The following CNBD1 variants were observed in gnomAD, a reference collection of about 807,000 sequenced individuals.
CNBD1 encodes cyclic nucleotide binding domain containing 1.
Under a neutral mutation model 54.4 loss-of-function variants are expected in CNBD1, and 71 were observed. That is an observed-to-expected ratio of 1.30 (90% CI 1.08 to 1.59). The LOEUF is 1.59. Ranked by LOEUF, CNBD1 falls within the 40% of genes most tolerant of loss-of-function variation. The pLI is 0.00. For missense variants in CNBD1, 659 were observed against 518.0 expected, an observed-to-expected ratio of 1.27 and a Z score of -2.64; for synonymous variants, 182 against 170.7, an observed-to-expected ratio of 1.07 and a Z score of -0.51.
At chr8:87,187,210 A>G (rs1380820480) in intron 4 of CNBD1, among the ~76,000 whole-genome samples, 4 of 148,738 alleles carry the variant, frequency 2.7e-5, no homozygotes, top group Non-Finnish European at 6.0e-5. Flanking sequence ...ATATCTATCT[A>G]TATGCCAAAT....
intron 8 of CNBD1, among the ~76,000 whole-genome samples, chr8:87,314,197 CA>C (rs1248369593): frequency 6.6e-6 from 1 of 151,246 alleles, no homozygotes; most frequent in Admixed American, 6.6e-5. Flanking sequence ...ATGTGAATAT[CA>C]ATATAAAAAT....
chr8:87,211,350 T>C (rs1115829), intron 5 of CNBD1, among the ~76,000 whole-genome samples: 7,681 of 152,222 alleles, frequency 0.05, 568 homozygotes, highest in African/African-American at 0.16. Context: ...ATGGAGCAAG[T>C]TAAGACTTTT....
intron 1 of CNBD1, among the ~76,000 whole-genome samples, chr8:86,870,223 C>G (rs11996870): frequency 0.47 from 59,934 of 126,978 alleles, 13,589 homozygotes; most frequent in South Asian, 0.54. Flanking sequence ...GAATCTCGCT[C>G]TGTCGCCCAG....
At chr8:87,146,625 C>T (rs573230608) in intron 4 of CNBD1, among the ~76,000 whole-genome samples, 129 of 152,232 alleles carry the variant, frequency 8.5e-4, no homozygotes, top group African/African-American at 2.8e-3. Context: ...AGCCATTATC[C>T]TACTTATTCC....
chr8:87,160,229 AATTTT>A (rs1445970857), intron 4 of CNBD1, among the ~76,000 whole-genome samples: 3 of 152,020 alleles, frequency 2.0e-5, no homozygotes, highest in African/African-American at 4.8e-5. Context: ...TATGTATTTT[AATTTT>A]ATTTTTAAAA....
At chr8:87,150,643 C>G (rs1478856066) in intron 4 of CNBD1, among the ~76,000 whole-genome samples, 3 of 152,098 alleles carry the variant, frequency 2.0e-5, no homozygotes, top group Non-Finnish European at 4.4e-5. Context: ...TCCTTTGAAA[C>G]AAAAGGCAGG....
intron 3 of CNBD1, among the ~76,000 whole-genome samples, chr8:86,910,982 G>C (rs1809091634): frequency 6.6e-6 from 1 of 152,196 alleles, no homozygotes; most frequent in Non-Finnish European, 1.5e-5. Context: ...CGAAGAACTG[G>C]TTAGGATTAG....
At chr8:87,370,145 G>A (rs1364542887) in intron 10 of CNBD1, among the ~76,000 whole-genome samples, 1 of 151,684 alleles carries the variant, frequency 6.6e-6, no homozygotes, top group African/African-American at 2.4e-5. Context: ...CATTTGGGTT[G>A]GTTCCAAGTC....
intron 6 of CNBD1, among the ~76,000 whole-genome samples, chr8:87,252,798 T>G (rs991212716): frequency 6.6e-6 from 1 of 152,100 alleles, no homozygotes; most frequent in Admixed American, 6.6e-5. Flanking sequence ...ATTAAAGTGC[T>G]AAATTACAGG....
At chr8:86,949,539 C>T (rs1807552513) in intron 4 of CNBD1, among the ~76,000 whole-genome samples, 1 of 151,946 alleles carries the variant, frequency 6.6e-6, no homozygotes. Context: ...ATTTGTTTTT[C>T]AAATTGTTGA....
chr8:87,304,923 G>A (rs1179259675), intron 8 of CNBD1, among the ~76,000 whole-genome samples: 1 of 151,978 alleles, frequency 6.6e-6, no homozygotes, highest in African/African-American at 2.4e-5. Flanking sequence ...GCAATCAAGA[G>A]AAAGAAATAA....
At position 87,237,052 on chromosome 8, in the gene CNBD1, G is replaced by T; in HGVS notation, c.711G>T (p.Trp237Cys). Residue 237 changes from tryptophan to cysteine, a missense_variant, in exon 6 of 11, where the codon TGG becomes TGT. Coordinates refer to ENST00000518476, the MANE Select transcript of CNBD1 (RefSeq NM_173538.3). The stretch of plus-strand genomic sequence containing the variant: ...CTCAGAGTTTCCACAGCTTCATTTG[G>T]AGTGAAGAATTCAAAAACTCTACAC... ...FISQSFHSFI[W>C]SEEFKNSTLA... The T allele has an allele frequency of 1.9e-6, 3 of 1,611,822 alleles. No individual in the cohort carries two copies. The highest frequency in any genetic ancestry group is 2.5e-6 in the Non-Finnish European group (3 of 1,178,492).
chr8:87,265,104 G>T lies in CNBD1; in HGVS notation c.772-19574G>T, dbSNP rs1005523887. Among the ~76,000 whole-genome samples, 12 of 152,158 alleles carry T rather than the reference G, an allele frequency of 7.9e-5. 1 individual carries two copies. The highest frequency in any genetic ancestry group is 2.7e-4 in the African/African-American group (11 of 41,490). ...CCTATGTCCTGAATGGTATTGCCTA[G>T]GTTTTCTTCTAGGGTTTTTATGGTT... On this transcript the variant is annotated intron_variant, in intron 6 of 10. Coordinates refer to ENST00000518476, the MANE Select transcript of CNBD1 (RefSeq NM_173538.3).
intron 4 of CNBD1, among the ~76,000 whole-genome samples, chr8:87,178,112 C>A (rs1813234827): frequency 6.6e-6 from 1 of 152,116 alleles, no homozygotes; most frequent in Admixed American, 6.5e-5. Flanking sequence ...ATCTATTGAG[C>A]ACGTTCTAAA....
At chr8:87,139,019 G>A (rs568675238) in intron 4 of CNBD1, among the ~76,000 whole-genome samples, 2 of 152,306 alleles carry the variant, frequency 1.3e-5, no homozygotes, top group South Asian at 4.1e-4. Context: ...AGATAATTTA[G>A]CAGCTATTGG....
At chr8:87,046,198 T>C (rs931042112) in intron 4 of CNBD1, among the ~76,000 whole-genome samples, 12 of 152,152 alleles carry the variant, frequency 7.9e-5, no homozygotes, top group African/African-American at 2.9e-4. Flanking sequence ...CTTCCACCCT[T>C]GTTGCATCAT....
At chr8:87,233,947 T>A (rs1276625625) in intron 5 of CNBD1, among the ~76,000 whole-genome samples, 1 of 152,222 alleles carries the variant, frequency 6.6e-6, no homozygotes, top group Non-Finnish European at 1.5e-5. Context: ...CAACTAAGTT[T>A]ATGTTACATT....
chr8:87,118,513 C>A (rs1254293930), intron 4 of CNBD1, among the ~76,000 whole-genome samples: 1 of 151,960 alleles, frequency 6.6e-6, no homozygotes. Flanking sequence ...GCAGAAGGCA[C>A]AATCAGTAGA....
chr8:87,390,337 G>C (rs187130669), intron 2 of CNBD1, among the ~76,000 whole-genome samples: 2 of 152,228 alleles, frequency 1.3e-5, no homozygotes, highest in African/African-American at 4.8e-5. Flanking sequence ...AAAAATTTTT[G>C]CAATCTACTC....
Sources: gnomAD v4.1 joint callset for allele counts (sites outside exome capture counted in the v4.1 genomes callset) on GRCh38, gnomAD v4.1.1 for gene constraint, MANE v1.5 for transcripts, NCBI Gene and HGNC (gene_info 2026-07-23, HGNC 2026-07-21) for gene names.